Variants in EPB41L3 observed in about 807,000 individuals in gnomAD.
EPB41L3 encodes the protein band 4.1-like protein 3.
A neutral mutation model predicts 127.1 loss-of-function variants in EPB41L3; 57 were observed. The ratio of observed to expected loss-of-function variants is 0.45; its 90% CI spans 0.36 to 0.56. EPB41L3 has a LOEUF of 0.56. Among genes scored for constraint, EPB41L3 ranks in the 20% least tolerant of loss-of-function variants. The pLI is 0.00. For synonymous variants in EPB41L3, 572 were observed against 549.5 expected (o/e 1.04, Z -0.57); for missense variants, 1,273 against 1,372.2 (o/e 0.93, Z 1.14).
intron 4 of EPB41L3, among the ~76,000 whole-genome samples, chr18:5,444,475 C>T (rs1248716487): frequency 6.6e-6 from 1 of 152,202 alleles, no homozygotes; most frequent in Admixed American, 6.5e-5. Flanking sequence ...ATTTCTGACT[C>T]AGCTTCCAGT....
At chr18:5,629,609 G>C (rs1295294033), upstream of EPB41L3, among the ~76,000 whole-genome samples, 1 of 152,096 alleles carries the variant, frequency 6.6e-6, no homozygotes, top group Non-Finnish European at 1.5e-5. Flanking sequence ...CCCCTCCCCC[G>C]CGTTTCCCCA....
chr18:5,585,427 C>T (rs1354087149), intron 3 of EPB41L3, among the ~76,000 whole-genome samples: 3 of 152,216 alleles, frequency 2.0e-5, no homozygotes, highest in South Asian at 2.1e-4. Context: ...CCCCAGACTC[C>T]GGAGTAGCTG....
chr18:5,431,765 T>C (rs1365961426), intron 8 of EPB41L3, among the ~76,000 whole-genome samples: 1 of 152,200 alleles, frequency 6.6e-6, no homozygotes, highest in African/African-American at 2.4e-5. Flanking sequence ...TTTCCTTATC[T>C]TTTAGCCTCT....
intron 3 of EPB41L3, among the ~76,000 whole-genome samples, chr18:5,461,316 ACAAGAAC>A (rs1443860804): frequency 7.9e-5 from 12 of 152,176 alleles, no homozygotes; most frequent in African/African-American, 2.7e-4. Flanking sequence ...AAACACCATA[ACAAGAAC>A]CAATTCCTTA....
At chr18:5,599,483 C>T (rs1391653804) in intron 3 of EPB41L3, among the ~76,000 whole-genome samples, 2 of 152,064 alleles carry the variant, frequency 1.3e-5, no homozygotes, top group East Asian at 1.9e-4. Context: ...AATCTCATGT[C>T]GAATGGTAAT....
chr18:5,594,242 C>T (rs2143625515), intron 3 of EPB41L3, among the ~76,000 whole-genome samples: 1 of 152,228 alleles, frequency 6.6e-6, no homozygotes, highest in South Asian at 2.1e-4. Context: ...CTTCACAATC[C>T]ATGTTCTTCT....
chr18:5,557,941 T>C (rs2094064362), intron 3 of EPB41L3, among the ~76,000 whole-genome samples: 1 of 152,246 alleles, frequency 6.6e-6, no homozygotes, highest in South Asian at 2.1e-4. Context: ...AATAGTTTAA[T>C]GTACTAGTTT....
chr18:5,617,320 A>ATTT (rs5822868), intron 1 of EPB41L3, among the ~76,000 whole-genome samples: 5 of 125,556 alleles, frequency 4.0e-5, no homozygotes, highest in Non-Finnish European at 5.2e-5. Flanking sequence ...TATTATTATT[A>ATTT]TTTTTTTTTT....
rs2073693616 is a variant in EPB41L3, at chr18:5,397,255, C to A, written c.2644G>T (p.Ala882Ser). 1 of 1,614,024 alleles carries A rather than the reference C, an allele frequency of 6.2e-7. No homozygotes were observed. The highest frequency in any genetic ancestry group is 1.1e-5 in the South Asian group (1 of 91,084). The stretch of plus-strand genomic sequence containing the variant: ...TTAATGCCTGTGAATGCGGGCTGTG[C>A]TGCAGCATCCCCGCTGTCTCCCGCC... ...YSAGDSGDAA[A>S]QPAFTGIKGK... Residue 882 changes from alanine (A) to serine (S), a missense_variant, in exon 18 of 23, where the codon GCA becomes TCA. By Grantham distance (99) the Ala-to-Ser change is moderately conservative (BLOSUM62 1). Transcript: ENST00000341928. This position sits in a 1 kb window ranked among gnomAD's most constrained non-coding sequence, Gnocchi z 4.1.
intron 3 of EPB41L3, among the ~76,000 whole-genome samples, chr18:5,595,717 A>G (rs561507436): frequency 1.3e-5 from 2 of 152,272 alleles, no homozygotes; most frequent in South Asian, 4.1e-4. Flanking sequence ...AAAAAAGGCA[A>G]CTGTAGTAAA....
intron 1 of EPB41L3, among the ~76,000 whole-genome samples, chr18:5,531,645 C>A (rs1255147216): frequency 1.4e-5 from 2 of 147,238 alleles, no homozygotes; most frequent in Admixed American, 7.0e-5. Flanking sequence ...ATCACTTGAA[C>A]CTGGGAGGTG....
At chr18:5,420,060 A>G in intron 11 of EPB41L3, 183 bp from the exon 12 acceptor site, 1 of 1,307,392 alleles carries the variant, frequency 7.6e-7, no homozygotes, top group South Asian at 1.5e-5. Context: ...CCTTGAAAAA[A>G]CAAATCAGTG....
intron 3 of EPB41L3, chr18:5,577,478 GA>G (rs2094348042): frequency 5.7e-5 from 20 of 350,994 alleles, no homozygotes; most frequent in South Asian, 4.1e-4. Flanking sequence ...AAAGATCCCG[GA>G]AAGGTAAAAG....
intron 3 of EPB41L3, among the ~76,000 whole-genome samples, chr18:5,551,461 G>A (rs889951833): frequency 4.6e-5 from 7 of 152,052 alleles, no homozygotes; most frequent in African/African-American, 9.7e-5. Context: ...ACGGTGGCTC[G>A]CTCCTGTAAT....
chr18:5,410,280 G>A (rs982552986), intron 14 of EPB41L3, among the ~76,000 whole-genome samples: 2 of 151,628 alleles, frequency 1.3e-5, no homozygotes, highest in African/African-American at 2.4e-5. Flanking sequence ...CCTAAGATGT[G>A]CAGAGTCAAT....
At chr18:5,481,384 C>A (rs972809257) in intron 2 of EPB41L3, among the ~76,000 whole-genome samples, 1 of 152,138 alleles carries the variant, frequency 6.6e-6, no homozygotes, top group African/African-American at 2.4e-5. Flanking sequence ...AAGAATTGGA[C>A]TTCCATAGTC....
At chr18:5,478,506 A>ATATT in intron 2 of EPB41L3, 68 bp from the exon 3 acceptor site, 1 of 1,487,886 alleles carries the variant, frequency 6.7e-7, no homozygotes, top group Non-Finnish European at 9.3e-7. Flanking sequence ...TGCTCATGCA[A>ATATT]TAGCACAAAA....
chr18:5,537,705 C>T (rs1482313683), intron 1 of EPB41L3, among the ~76,000 whole-genome samples: 1 of 152,150 alleles, frequency 6.6e-6, no homozygotes, highest in Non-Finnish European at 1.5e-5. Flanking sequence ...TATATTCCAG[C>T]TAAAGGCAGG....
chr18:5,503,902 T>C (rs1018456543), intron 1 of EPB41L3, among the ~76,000 whole-genome samples: 40 of 152,254 alleles, frequency 2.6e-4, no homozygotes, highest in Non-Finnish European at 3.2e-4. Flanking sequence ...ACAATGGAGA[T>C]ATTTTTCCAT....
Sources: gnomAD v4.1 joint callset for allele counts (sites outside exome capture counted in the v4.1 genomes callset) on GRCh38, gnomAD v4.1.1 for gene constraint, Gnocchi (gnomAD v3.1) non-coding constraint, MANE v1.5 for transcripts, NCBI Gene and HGNC (gene_info 2026-07-23, HGNC 2026-07-21) for gene names.